The following KAT6A variants were observed in gnomAD, a reference collection of about 807,000 sequenced individuals.
The protein encoded by KAT6A is histone acetyltransferase KAT6A.
Under a neutral mutation model 198.4 loss-of-function variants are expected in KAT6A, and 9 were observed. The ratio of observed to expected loss-of-function variants is 0.05; its 90% confidence interval spans 0.03 to 0.08. The LOEUF (loss-of-function observed/expected upper bound fraction) is 0.08. Ranked by LOEUF, KAT6A falls within the 10% of genes least tolerant of loss-of-function variation. KAT6A has a pLI of 1.00. For synonymous variants in KAT6A, 890 were observed against 883.0 expected (o/e 1.01, Z -0.14); for missense variants, 2,077 against 2,509.9 (o/e 0.83, Z 3.69).
At chr8:42,000,112 T>C (rs1825413744) in intron 2 of KAT6A, among the ~76,000 whole-genome samples, 1 of 152,226 alleles carries the variant, frequency 6.6e-6, no homozygotes, top group Non-Finnish European at 1.5e-5. Flanking sequence ...TATATGGTAT[T>C]TACTTATGCA....
At chr8:41,972,850 A>G (rs1362850604) in intron 8 of KAT6A, among the ~76,000 whole-genome samples, 1 of 151,662 alleles carries the variant, frequency 6.6e-6, no homozygotes, top group Non-Finnish European at 1.5e-5. Context: ...TCGGGAGGAG[A>G]AAAAAAAATT....
intron 10 of KAT6A, 25 bp downstream of exon 10, chr8:41,949,197 G>C (rs1822548747): frequency 6.9e-7 from 1 of 1,451,392 alleles, no homozygotes; most frequent in African/African-American, 1.5e-5. Context: ...TGGATGAGAG[G>C]ACAATTACTA....
At chr8:41,972,109 G>A (rs1238648829) in intron 8 of KAT6A, among the ~76,000 whole-genome samples, 1 of 151,908 alleles carries the variant, frequency 6.6e-6, no homozygotes, top group South Asian at 2.1e-4. Context: ...GCCTAAATTT[G>A]GAACAATTTA....
At chr8:42,035,242 T>C (rs1332911899) in intron 2 of KAT6A, among the ~76,000 whole-genome samples, 3 of 152,192 alleles carry the variant, frequency 2.0e-5, no homozygotes, top group Non-Finnish European at 4.4e-5. Flanking sequence ...GTTTCCATTT[T>C]AAGCATCAGA....
chr8:42,005,128 T>G (rs1485621820), intron 2 of KAT6A, among the ~76,000 whole-genome samples: 1 of 152,206 alleles, frequency 6.6e-6, no homozygotes, highest in East Asian at 1.9e-4. Context: ...TGAGGAACAT[T>G]TGAATTGTTT....
chr8:41,983,616 T>C (rs575676610), intron 3 of KAT6A, among the ~76,000 whole-genome samples: 71 of 152,362 alleles, frequency 4.7e-4, no homozygotes, highest in Non-Finnish European at 8.8e-4. Flanking sequence ...ACAGATTCTT[T>C]ACTTCTTTTA....
At chr8:41,955,894 A>C (rs978809059) in intron 8 of KAT6A, among the ~76,000 whole-genome samples, 1 of 152,200 alleles carries the variant, frequency 6.6e-6, no homozygotes, top group African/African-American at 2.4e-5. Context: ...GTAGATATTT[A>C]AGAGAAATAC....
chr8:42,001,624 G>A (rs1051874730), intron 2 of KAT6A, among the ~76,000 whole-genome samples: 14 of 152,330 alleles, frequency 9.2e-5, no homozygotes, highest in East Asian at 5.8e-4. Flanking sequence ...TCTGTGCAGT[G>A]CAGAGCAGAG....
At position 41,964,920 on chromosome 8, in the gene KAT6A, A is replaced by G. The variant is rs577743367; in HGVS notation, c.1483-9509T>C. 3.1e-4 allele frequency among the ~76,000 whole-genome samples: 47 copies of G among 152,334 alleles called. No homozygotes were observed. In the East Asian group the frequency reaches 3.9e-3, roughly 12 times the overall value. Reference sequence around the variant, plus strand: ...GGAGGAGACGATGATAATAAAATTCAGACCTTGGCAAGCCAAGGGTAACTG... The same window carrying G: ...GGAGGAGACGATGATAATAAAATTCGGACCTTGGCAAGCCAAGGGTAACTG... On this transcript the variant is annotated intron_variant, in intron 8 of 16. Transcript: ENST00000265713.
intron 9 of KAT6A, among the ~76,000 whole-genome samples, chr8:41,954,674 T>C (rs1822841527): frequency 6.6e-6 from 1 of 152,244 alleles, no homozygotes; most frequent in Admixed American, 6.5e-5. Context: ...GTAAGTACTA[T>C]TACTATCTCT....
At chr8:41,976,328 A>G (rs1824050237) in intron 7 of KAT6A, among the ~76,000 whole-genome samples, 1 of 152,236 alleles carries the variant, frequency 6.6e-6, no homozygotes, top group South Asian at 2.1e-4. Flanking sequence ...AGGCTCAGCA[A>G]TAAGACTATT....
intron 5 of KAT6A, 62 bp from the exon 6 acceptor site, chr8:41,978,839 G>T: frequency 6.6e-7 from 1 of 1,504,986 alleles, no homozygotes; most frequent in East Asian, 2.3e-5. Flanking sequence ...AAAGGTTTCA[G>T]ATAGTCTTAA....
intron 2 of KAT6A, among the ~76,000 whole-genome samples, chr8:41,996,241 CTT>C (rs2150899344): frequency 6.6e-6 from 1 of 152,288 alleles, no homozygotes; most frequent in Non-Finnish European, 1.5e-5. Flanking sequence ...AAACTCATAA[CTT>C]TGGAAACCTC....
At chr8:41,956,803 A>G (rs999431761) in intron 8 of KAT6A, among the ~76,000 whole-genome samples, 3 of 152,270 alleles carry the variant, frequency 2.0e-5, no homozygotes, top group African/African-American at 7.2e-5. Context: ...CAGGGTTAAA[A>G]TAAGATTTCT....
At chr8:42,032,545 A>G (rs1433796494) in intron 2 of KAT6A, among the ~76,000 whole-genome samples, 1 of 152,232 alleles carries the variant, frequency 6.6e-6, no homozygotes, top group Non-Finnish European at 1.5e-5. Context: ...TAAATTATGA[A>G]GACAACCCAT....
At chr8:42,031,026 CAA>C (rs35186257) in intron 2 of KAT6A, among the ~76,000 whole-genome samples, 2 of 37,850 alleles carry the variant, frequency 5.3e-5, no homozygotes, top group Admixed American at 3.3e-4. Flanking sequence ...CTGCCAAATG[CAA>C]AAAAAAAAAA....
Position 41,949,373 on chromosome 8 carries a change from ATAAT to A in KAT6A, c.1599-14_1599-11del. The A allele has an allele frequency of 6.8e-7, 1 of 1,477,370 alleles. No individual in the cohort carries two copies. The highest frequency in any genetic ancestry group is 9.0e-7 in the Non-Finnish European group (1 of 1,116,362). The allele number at this position is 1,477,370 out of a possible 1,614,324, so 91.5% of individuals were successfully genotyped here. A position where few individuals can be genotyped will look rare whatever the true frequency, so the allele number is the denominator to read the frequency against. ...ATACAATTTGGGCAGCCTGTAAACG[ATAAT>A]TAAACAAAAAAGACAGGGCTTTATA... On this transcript the variant is annotated splice_polypyrimidine_tract_variant and intron_variant, in intron 9 of 16. Coordinates refer to ENST00000265713, the MANE Select transcript of KAT6A (RefSeq NM_006766.5).
At chr8:41,974,096 A>G (rs1202188134) in intron 8 of KAT6A, among the ~76,000 whole-genome samples, 1 of 149,594 alleles carries the variant, frequency 6.7e-6, no homozygotes, top group Non-Finnish European at 1.5e-5. Context: ...TTTTTTTTGG[A>G]AGACAGGGTC....
chr8:41,936,578 A>G (rs1312007987), intron 16 of KAT6A, among the ~76,000 whole-genome samples: 2 of 152,260 alleles, frequency 1.3e-5, no homozygotes, highest in African/African-American at 4.8e-5. Context: ...TGGCTCATAT[A>G]TATGAGACCT....
Sources: allele counts gnomAD v4.1 joint callset (sites outside exome capture counted in the v4.1 genomes callset), GRCh38; gene constraint gnomAD v4.1.1; transcripts MANE v1.5; gene names NCBI Gene and HGNC (gene_info 2026-07-23, HGNC 2026-07-21).